NRXN1: variants seen among roughly 807,000 people sequenced by gnomAD.
The protein encoded by NRXN1 is neurexin 1, also known as neurexin-1.
NRXN1 carries 39 observed loss-of-function variants against 150.9 expected under a neutral mutation model. The observed-to-expected ratio is 0.26, with a 90% CI of 0.20 to 0.34. The LOEUF (loss-of-function observed/expected upper bound fraction) is 0.34, where lower values mean the gene tolerates loss of function less well. NRXN1 is among the 10% of genes least tolerant of loss of function. NRXN1 has a pLI of 1.00. For synonymous variants in NRXN1, 924 were observed against 757.0 expected (o/e 1.22, Z -3.62); for missense variants, 1,815 against 1,949.9 (o/e 0.93, Z 1.30).
At chr2:50,297,972 G>A in intron 17 of NRXN1, among the ~76,000 whole-genome samples, 1 of 151,896 alleles carries the variant, frequency 6.6e-6, no homozygotes, top group East Asian at 1.9e-4. Context: ...TGTGGCTCAG[G>A]GTTTGTATCC....
chr2:50,334,588 C>T (rs1395203863), intron 17 of NRXN1, among the ~76,000 whole-genome samples: 1 of 152,116 alleles, frequency 6.6e-6, no homozygotes, highest in African/African-American at 2.4e-5. Context: ...GTCCTATTTC[C>T]CAAATGGCAG....
intron 5 of NRXN1, among the ~76,000 whole-genome samples, chr2:50,649,195 A>T (rs898769779): frequency 2.5e-5 from 3 of 118,062 alleles, no homozygotes; most frequent in Non-Finnish European, 5.5e-5. Flanking sequence ...ATTAGTTGGG[A>T]GGTTCTTCTT....
At chr2:50,517,476 AG>A in intron 12 of NRXN1, among the ~76,000 whole-genome samples, 1 of 152,230 alleles carries the variant, frequency 6.6e-6, no homozygotes, top group African/African-American at 2.4e-5. Context: ...GTTGATGAAA[AG>A]TAACTCCATC....
chr2:50,733,969 C>G (rs1165316243), intron 5 of NRXN1, among the ~76,000 whole-genome samples: 1 of 151,970 alleles, frequency 6.6e-6, no homozygotes, highest in African/African-American at 2.4e-5. Flanking sequence ...TTTCATAGTT[C>G]ATTTGCCTTA....
chr2:50,347,146 A>G lies in NRXN1; in HGVS notation c.3365-110176T>C, dbSNP rs2078064135. 1 of 1,379,006 alleles carries G rather than the reference A, an allele frequency of 7.3e-7. No homozygotes were observed. Among genetic ancestry groups the G allele is most frequent in the Non-Finnish European group, 9.5e-7 (1 of 1,048,182 alleles). 85.4% of individuals were successfully genotyped at this position (1,379,006 alleles called of 1,614,324 possible). A position where few individuals can be genotyped will look rare whatever the true frequency, so the allele number is the denominator to read the frequency against. On this transcript the variant is annotated intron_variant, in intron 17 of 22. Transcript: ENST00000401669. The surrounding 1 kb of genome is among the most constrained non-coding windows in gnomAD (Gnocchi z 4.9). ...GTCCGCCGTGCCTAGCACCCCAAACAATCCGAAACATAGCCGAGGCGAATG... is the reference window on the plus strand; with the variant it reads ...GTCCGCCGTGCCTAGCACCCCAAACGATCCGAAACATAGCCGAGGCGAATG...
chr2:50,012,590 T>C (rs1270741857), intron 21 of NRXN1, among the ~76,000 whole-genome samples: 1 of 152,134 alleles, frequency 6.6e-6, no homozygotes, highest in East Asian at 1.9e-4. Flanking sequence ...ACAGATCTGA[T>C]AATTTTTCAC....
intron 18 of NRXN1, among the ~76,000 whole-genome samples, chr2:50,128,669 T>C (rs928595380): frequency 1.3e-5 from 2 of 152,024 alleles, no homozygotes; most frequent in African/African-American, 4.8e-5. Flanking sequence ...TAAGTCTTAA[T>C]AAGCAGGATG....
At chr2:50,888,224 C>T (rs575412660) in intron 5 of NRXN1, among the ~76,000 whole-genome samples, 1 of 151,584 alleles carries the variant, frequency 6.6e-6, no homozygotes, top group South Asian at 2.1e-4. Flanking sequence ...CAACCAAAAA[C>T]ACAACGCAAA....
chr2:50,845,392 C>A (rs1204551898), intron 5 of NRXN1, among the ~76,000 whole-genome samples: 2 of 152,104 alleles, frequency 1.3e-5, no homozygotes, highest in Non-Finnish European at 2.9e-5. Context: ...TAGATGTTAT[C>A]GTCTCAATTT....
intron 17 of NRXN1, among the ~76,000 whole-genome samples, chr2:50,435,062 G>A (rs1254684596): frequency 6.6e-6 from 1 of 151,896 alleles, no homozygotes; most frequent in African/African-American, 2.4e-5. Context: ...TATTTACGGG[G>A]TTATACTGTA....
At chr2:50,880,898 T>G (rs1679332208) in intron 5 of NRXN1, among the ~76,000 whole-genome samples, 1 of 151,912 alleles carries the variant, frequency 6.6e-6, no homozygotes. Flanking sequence ...CTTTAAGCAA[T>G]GCTTGTAATA....
chr2:50,462,581 C>T (rs992252591), intron 17 of NRXN1, among the ~76,000 whole-genome samples: 2 of 151,874 alleles, frequency 1.3e-5, no homozygotes, highest in Non-Finnish European at 2.9e-5. Context: ...CCTGTACACA[C>T]ACCTGCATAT....
chr2:50,148,803 T>C (rs2058521463), intron 18 of NRXN1, among the ~76,000 whole-genome samples: 1 of 151,688 alleles, frequency 6.6e-6, no homozygotes, highest in African/African-American at 2.4e-5. Context: ...ATTCTAAGCC[T>C]GCCTTGCAAT....
At chr2:50,206,711 C>T (rs1308938025) in intron 18 of NRXN1, among the ~76,000 whole-genome samples, 1 of 151,868 alleles carries the variant, frequency 6.6e-6, no homozygotes, top group Non-Finnish European at 1.5e-5. Flanking sequence ...CTTTGCTCTA[C>T]TATTGAAGTA....
At chr2:50,722,604 T>C (rs1696816630) in intron 5 of NRXN1, among the ~76,000 whole-genome samples, 1 of 152,186 alleles carries the variant, frequency 6.6e-6, no homozygotes, top group African/African-American at 2.4e-5. Context: ...ATGTTAATAA[T>C]GGTTATATTA....
At chr2:50,238,233 A>C (rs2065657725) in intron 17 of NRXN1, among the ~76,000 whole-genome samples, 1 of 152,052 alleles carries the variant, frequency 6.6e-6, no homozygotes, top group South Asian at 2.1e-4. Context: ...GAATAGAACC[A>C]AAAAAGAAAG....
intron 18 of NRXN1, among the ~76,000 whole-genome samples, chr2:50,159,526 T>TAC (rs1349579025): frequency 1.3e-5 from 2 of 152,184 alleles, no homozygotes; most frequent in Admixed American, 6.5e-5. Flanking sequence ...CAATAAAAAG[T>TAC]ACAGCTAATT....
chr2:50,024,563 T>C (rs1688004048), intron 21 of NRXN1, among the ~76,000 whole-genome samples: 1 of 152,076 alleles, frequency 6.6e-6, no homozygotes, highest in Non-Finnish European at 1.5e-5. Flanking sequence ...AAAGTTTGAG[T>C]GCAGAGAATC....
chr2:50,700,627 T>C (rs1281384977), intron 5 of NRXN1, among the ~76,000 whole-genome samples: 1 of 152,214 alleles, frequency 6.6e-6, no homozygotes, highest in Non-Finnish European at 1.5e-5. Context: ...AACTAGGCTC[T>C]AATAAAATAC....
Sources: allele counts gnomAD v4.1 joint callset (sites outside exome capture counted in the v4.1 genomes callset), GRCh38; gene constraint gnomAD v4.1.1; non-coding constraint Gnocchi (gnomAD v3.1); transcripts MANE v1.5; gene names NCBI Gene and HGNC (gene_info 2026-07-23, HGNC 2026-07-21).